Variants in DGKB observed in about 807,000 individuals in gnomAD.
DGKB encodes the protein 90 kDa diacylglycerol kinase.
DGKB carries 67 observed loss-of-function variants against 114.3 expected under a neutral mutation model. The ratio of observed to expected loss-of-function variants is 0.59; its 90% confidence interval spans 0.48 to 0.72. The LOEUF (loss-of-function observed/expected upper bound fraction) is 0.72. DGKB is among the 30% of genes least tolerant of loss of function. The pLI is 0.00. For synonymous variants in DGKB, 398 were observed against 323.1 expected (o/e 1.23, Z -2.49); for missense variants, 907 against 975.2 (o/e 0.93, Z 0.93).
intron 21 of DGKB, among the ~76,000 whole-genome samples, chr7:14,379,028 G>A (rs529563236): frequency 1.5e-4 from 20 of 130,606 alleles, no homozygotes; most frequent in African/African-American, 4.6e-4. Flanking sequence ...AATGTCATCT[G>A]AGGAAAAAAA....
At chr7:14,361,580 T>A in intron 21 of DGKB, among the ~76,000 whole-genome samples, 1 of 151,978 alleles carries the variant, frequency 6.6e-6, no homozygotes, top group Non-Finnish European at 1.5e-5. Context: ...AATTGACAGA[T>A]GTAGGAATTG....
intron 22 of DGKB, among the ~76,000 whole-genome samples, chr7:14,340,918 T>C (rs1421144794): frequency 1.3e-5 from 2 of 151,736 alleles, no homozygotes; most frequent in African/African-American, 4.8e-5. Flanking sequence ...GACAAGTTAC[T>C]TTCAGAATTA....
At chr7:14,216,387 T>C (rs1788963070) in intron 23 of DGKB, among the ~76,000 whole-genome samples, 1 of 152,066 alleles carries the variant, frequency 6.6e-6, no homozygotes, top group South Asian at 2.1e-4. Flanking sequence ...TTGGTTTAAA[T>C]ATTATTATGA....
In DGKB at chr7:14,394,186, A is replaced by G. The variant is rs577369287; in HGVS notation, c.1836-48795T>C. Among the ~76,000 whole-genome samples the G allele has an allele frequency of 2.6e-5, 4 of 152,292 alleles. No individual in the cohort carries two copies. The South Asian group carries it at 8.3e-4, about 32-fold the overall frequency. ...TGCCTGTCCAAATTTAAGTGACTAAAGAGATGGGTTTCCACAACTTACTTG... is the reference window on the plus strand; with the variant it reads ...TGCCTGTCCAAATTTAAGTGACTAAGGAGATGGGTTTCCACAACTTACTTG... On this transcript the variant is annotated intron_variant, in intron 21 of 25. Coordinates refer to ENST00000402815, the MANE Select transcript of DGKB (RefSeq NM_001350709.2).
At chr7:14,854,307 T>C (rs1320865261) in intron 1 of DGKB, among the ~76,000 whole-genome samples, 1 of 152,186 alleles carries the variant, frequency 6.6e-6, no homozygotes, top group Admixed American at 6.5e-5. Context: ...ATAATATAAA[T>C]GATCTCAGGA....
At chr7:14,348,763 T>G (rs2128600923) in intron 21 of DGKB, among the ~76,000 whole-genome samples, 1 of 151,880 alleles carries the variant, frequency 6.6e-6, no homozygotes, top group African/African-American at 2.4e-5. Flanking sequence ...TCAGCTAATT[T>G]TATCTCAAGA....
At chr7:14,965,361 G>A (rs1445128720) in intron 1 of DGKB, among the ~76,000 whole-genome samples, 1 of 151,974 alleles carries the variant, frequency 6.6e-6, no homozygotes, top group African/African-American at 2.4e-5. Context: ...GTACGAGGAG[G>A]GGAATAGTTT....
In DGKB at chr7:14,728,001, C is replaced by T. The variant is rs573527194; in HGVS notation, c.322+8040G>A. Among the ~76,000 whole-genome samples, 29 of 152,274 alleles carry T rather than the reference C, an allele frequency of 1.9e-4. 1 individual carries two copies. Among genetic ancestry groups the T allele is most frequent in the Middle Eastern group, 3.4e-3 (1 of 294 alleles). On this transcript the variant is annotated intron_variant, in intron 5 of 25. Coordinates refer to ENST00000402815, the MANE Select transcript of DGKB (RefSeq NM_001350709.2). ...TTTCTGTTCTTAATTGATTAACTTC[C>T]TGACAGACATTTTCCTTTTCTATCT...
At chr7:14,194,429 C>T (rs952950087) in intron 23 of DGKB, among the ~76,000 whole-genome samples, 3 of 151,872 alleles carry the variant, frequency 2.0e-5, no homozygotes, top group African/African-American at 4.8e-5. Context: ...CCGTGTTAAC[C>T]GAAATAAGCC....
At chr7:14,382,856 C>T (rs998865254) in intron 21 of DGKB, among the ~76,000 whole-genome samples, 4 of 152,160 alleles carry the variant, frequency 2.6e-5, no homozygotes, top group African/African-American at 9.7e-5. Context: ...GTGAACTGTG[C>T]AGCAGCAATG....
upstream of DGKB, chr7:14,903,211 C>CAG (rs1191228489): frequency 1.2e-5 from 1 of 82,366 alleles, no homozygotes; most frequent in African/African-American, 4.9e-5. Context: ...GAAGTCTGTG[C>CAG]AGTGTGTGTG....
intron 1 of DGKB, among the ~76,000 whole-genome samples, chr7:14,969,832 T>C (rs558227624): frequency 1.3e-4 from 20 of 152,334 alleles, no homozygotes; most frequent in African/African-American, 4.8e-4. Context: ...CTAAACTGAA[T>C]GCTGTAGGCA....
At chr7:14,330,319 C>T (rs1585167607) in intron 23 of DGKB, among the ~76,000 whole-genome samples, 1 of 151,936 alleles carries the variant, frequency 6.6e-6, no homozygotes, top group East Asian at 1.9e-4. Flanking sequence ...TCTTGTTTCC[C>T]TACATTCATT....
chr7:14,553,942 G>A (rs950719941), intron 20 of DGKB, among the ~76,000 whole-genome samples: 1 of 129,624 alleles, frequency 7.7e-6, no homozygotes, highest in African/African-American at 2.9e-5. Flanking sequence ...GCGGGATCTC[G>A]GCTCACTGCA....
intron 21 of DGKB, among the ~76,000 whole-genome samples, chr7:14,384,780 C>T (rs954162616): frequency 6.6e-6 from 1 of 152,172 alleles, no homozygotes; most frequent in African/African-American, 2.4e-5. Context: ...TTAGTTGTCA[C>T]AAGTTGGGGT....
intron 23 of DGKB, among the ~76,000 whole-genome samples, chr7:14,306,617 C>T (rs1195747414): frequency 6.6e-6 from 1 of 151,906 alleles, no homozygotes; most frequent in African/African-American, 2.4e-5. Context: ...TAAAGTGTTC[C>T]CTGCATCCTT....
At chr7:14,904,000 T>C (rs1454832502), upstream of DGKB, among the ~76,000 whole-genome samples, 1 of 152,210 alleles carries the variant, frequency 6.6e-6, no homozygotes, top group East Asian at 1.9e-4. Context: ...TTCTGTCTTC[T>C]ATTAACTTTC....
At position 14,607,452 on chromosome 7, in the gene DGKB, C is replaced by G. The variant is rs533895069; in HGVS notation, c.1415G>C (p.Gly472Ala). 166 of 1,572,038 alleles carry G rather than the reference C, an allele frequency of 1.1e-4. 1 individual carries two copies. In the South Asian group the frequency reaches 1.7e-3, roughly 16 times the overall value. The change falls in exon 17 of 26, where the codon GGA becomes GCA. Residue 472 changes from glycine (G) to alanine (A), a missense_variant. This residue lies in a region of DGKB where 814 missense variants were observed against 856.6 expected (regional missense o/e 0.95). Transcript: ENST00000402815. ...LNPRQVYSLS[G>A]NGPMPGLNFF... ...GACTTACCCTGGCATTGGTCCATTT[C>G]CAGAAAGACTGTAAACCTGACGAGG...
rs530623314 is a variant in DGKB at position 14,665,936 on chromosome 7, C to T, written c.1134+6993G>A. ...TATTTTATCGATTTCTGTGACCTCA[C>T]AAATTTATGTACTACCCAAAATAAT... On this transcript the variant is annotated intron_variant, in intron 13 of 25. Coordinates refer to ENST00000402815, the MANE Select transcript of DGKB (RefSeq NM_001350709.2). Among the ~76,000 whole-genome samples, 73 of 152,070 alleles carry T rather than the reference C, an allele frequency of 4.8e-4. 1 individual carries two copies. The South Asian group carries it at 0.013, about 28-fold the overall frequency.
Sources: gnomAD v4.1 joint callset for allele counts (sites outside exome capture counted in the v4.1 genomes callset) on GRCh38, gnomAD v4.1.1 for gene constraint, gnomAD v4.1.1 regional missense constraint, MANE v1.5 for transcripts, NCBI Gene and HGNC (gene_info 2026-07-23, HGNC 2026-07-21) for gene names.